The following MMS22L variants were observed in gnomAD, a reference collection of about 807,000 sequenced individuals.
MMS22L encodes MMS22 like, DNA repair protein.
In MMS22L, 74 loss-of-function variants were observed where a neutral mutation model predicts 159.1. The observed-to-expected ratio is 0.47, with a 90% CI of 0.39 to 0.56. The LOEUF (loss-of-function observed/expected upper bound fraction) is 0.56, where lower values mean the gene tolerates loss of function less well. Ranked by LOEUF, MMS22L falls within the 20% of genes least tolerant of loss-of-function variation. MMS22L has a pLI of 0.00. For synonymous variants in MMS22L, 517 were observed against 506.9 expected (o/e 1.02, Z -0.27); for missense variants, 1,351 against 1,422.1 (o/e 0.95, Z 0.80).
Position 97,146,729 on chromosome 6 carries a change from T to C in MMS22L, c.*77A>G, listed in dbSNP as rs558300181. On this transcript the variant is annotated 3_prime_UTR_variant, in exon 25 of 25. Transcript: ENST00000683635. ...TTTAAACAGAACATTATACAATTAA[T>C]TAAAAGTAGGAATTAGAGTGGAACA... The C allele has an allele frequency of 3.4e-4, 328 of 963,058 alleles. No individual in the cohort carries two copies. The African/African-American group carries it at 5.1e-3, about 15-fold the overall frequency. The allele number at this position is 963,058 out of a possible 1,614,324, so 59.7% of individuals were successfully genotyped here.
At chr6:97,147,177 T>C (rs1800963900) in intron 24 of MMS22L, among the ~76,000 whole-genome samples, 1 of 152,154 alleles carries the variant, frequency 6.6e-6, no homozygotes, top group Admixed American at 6.6e-5. Flanking sequence ...GGTAATAAAA[T>C]GCATTCATGG....
intron 14 of MMS22L, among the ~76,000 whole-genome samples, chr6:97,195,284 T>C (rs1052256310): frequency 3.9e-5 from 6 of 152,042 alleles, no homozygotes; most frequent in Admixed American, 2.6e-4. Flanking sequence ...TGAAGCACAA[T>C]GGGTGACAGA....
chr6:97,218,198 AACCTCCTATC>A (rs1157152550), intron 14 of MMS22L, among the ~76,000 whole-genome samples: 2 of 152,196 alleles, frequency 1.3e-5, no homozygotes, highest in Non-Finnish European at 2.9e-5. Context: ...GGGAAGAACA[AACCTCCTATC>A]ATCCTCTAGA....
intron 14 of MMS22L, among the ~76,000 whole-genome samples, chr6:97,220,376 T>C (rs1416744186): frequency 6.6e-6 from 1 of 152,194 alleles, no homozygotes; most frequent in Non-Finnish European, 1.5e-5. Context: ...TTCTTTTTAA[T>C]GTAATGAAAT....
At chr6:97,247,322 T>G (rs1298139535) in intron 10 of MMS22L, among the ~76,000 whole-genome samples, 4 of 152,202 alleles carry the variant, frequency 2.6e-5, no homozygotes. Flanking sequence ...TAATATTCAG[T>G]TCTTAAAGTT....
rs1554262353 is a variant in MMS22L at position 97,192,209 on chromosome 6, G to GATGAATGA, written c.2040-5527_2040-5520dup. ...GGATGGATGGATGGATGGATGGATGGATGAATGAATGAATGAATATGTGAA... is the reference window on the plus strand; with the variant it reads ...GGATGGATGGATGGATGGATGGATGGATGAATGAATGAATGAATGAATGAATATGTGAA... On this transcript the variant is annotated intron_variant, in intron 14 of 24. Coordinates refer to ENST00000683635, the MANE Select transcript of MMS22L (RefSeq NM_001350599.2). Among the ~76,000 whole-genome samples the GATGAATGA allele has an allele frequency of 6.1e-3, 634 of 104,422 alleles. 2 individuals are homozygous for GATGAATGA. The highest frequency in any genetic ancestry group is 0.011 in the East Asian group (43 of 4,070). The allele number at this position is 104,422 out of a possible 152,430, so 68.5% of individuals were successfully genotyped here.
intron 13 of MMS22L, 128 bp from the exon 14 acceptor site, chr6:97,229,531 G>T: frequency 1.4e-6 from 1 of 691,124 alleles, no homozygotes; most frequent in Non-Finnish European, 2.3e-6. Context: ...TTATTTTGAT[G>T]CTGCCTTGTC....
intron 14 of MMS22L, among the ~76,000 whole-genome samples, chr6:97,207,767 A>AT (rs1807941174): frequency 1.3e-5 from 2 of 152,164 alleles, no homozygotes. Context: ...GGTATGTCTC[A>AT]TATTTGGACT....
chr6:97,158,650 A>C (rs1225993958), intron 22 of MMS22L, among the ~76,000 whole-genome samples: 1 of 151,984 alleles, frequency 6.6e-6, no homozygotes, highest in Non-Finnish European at 1.5e-5. Flanking sequence ...CTGAGTTCCA[A>C]CTGGACTGCA....
intron 22 of MMS22L, among the ~76,000 whole-genome samples, chr6:97,153,969 T>A (rs533182113): frequency 6.6e-6 from 1 of 152,302 alleles, no homozygotes; most frequent in African/African-American, 2.4e-5. Context: ...CTCTTAAATA[T>A]ATATATATAT....
intron 15 of MMS22L, among the ~76,000 whole-genome samples, chr6:97,183,557 C>T (rs1371288140): frequency 2.6e-5 from 4 of 152,142 alleles, no homozygotes; most frequent in African/African-American, 9.7e-5. Flanking sequence ...GGTACAATTG[C>T]ATATCTTCTC....
intron 24 of MMS22L, among the ~76,000 whole-genome samples, chr6:97,148,011 T>C (rs559013771): frequency 2.0e-5 from 3 of 152,374 alleles, no homozygotes; most frequent in South Asian, 2.1e-4. Flanking sequence ...CATATGATTA[T>C]AGTCATGCAC....
At chr6:97,168,436 T>A (rs902744641) in intron 19 of MMS22L, among the ~76,000 whole-genome samples, 196 bp from the exon 20 acceptor site, 2 of 152,100 alleles carry the variant, frequency 1.3e-5, no homozygotes, top group African/African-American at 4.8e-5. Context: ...TCATAGAGTT[T>A]TGGGCCAAGG....
intron 18 of MMS22L, among the ~76,000 whole-genome samples, chr6:97,175,630 A>G (rs1174990373): frequency 6.6e-6 from 1 of 152,148 alleles, no homozygotes; most frequent in Non-Finnish European, 1.5e-5. Context: ...TGAGTTACAC[A>G]GCTTCCCAAT....
chr6:97,149,863 T>C lies in MMS22L; in HGVS notation c.3640A>G (p.Ile1214Val). The C allele has an allele frequency of 1.2e-6, 2 of 1,611,060 alleles. No homozygotes were observed. Among genetic ancestry groups the C allele is most frequent in the Middle Eastern group, 1.7e-4 (1 of 6,036 alleles). The change falls in exon 24 of 25, where the codon ATA becomes GTA. Residue 1214 changes from isoleucine to valine, a missense_variant. Physicochemically the swap from Ile to Val is conservative, Grantham distance 29. Coordinates refer to ENST00000683635, the MANE Select transcript of MMS22L (RefSeq NM_001350599.2). ...AATTATCAAACATACCTTTGTGCTA[T>C]ATTCCTGCCAAGGCCCCATTTCTGC... is the stretch of plus-strand genomic sequence containing the variant. ...SEQKWGLGRN[I>V]AQREAYSKLL...
rs1168133987 is a variant in MMS22L, at chr6:97,215,112, A to AT, written c.2039+13781dup. Among the ~76,000 whole-genome samples the AT allele has an allele frequency of 3.6e-3, 290 of 80,064 alleles. 1 individual carries two copies. Among genetic ancestry groups the AT allele is most frequent in the Non-Finnish European group, 4.2e-3 (124 of 29,856 alleles). 52.5% of individuals were successfully genotyped at this position (80,064 alleles called of 152,430 possible). A position where few individuals can be genotyped will look rare whatever the true frequency, so the allele number is the denominator to read the frequency against. ...TTTAAATATATATATATATATATAT[A>AT]TATTTTTTTTTTGCATTGTTTCACT... On this transcript the variant is annotated intron_variant, in intron 14 of 24. Transcript: ENST00000683635.
intron 14 of MMS22L, among the ~76,000 whole-genome samples, chr6:97,203,678 T>C (rs1807431561): frequency 6.6e-6 from 1 of 152,182 alleles, no homozygotes; most frequent in Non-Finnish European, 1.5e-5. Context: ...AAACATTTCA[T>C]AAATTCCACT....
intron 14 of MMS22L, among the ~76,000 whole-genome samples, chr6:97,201,224 C>A (rs1807120696): frequency 6.6e-6 from 1 of 152,024 alleles, no homozygotes; most frequent in South Asian, 2.1e-4. Context: ...TAAAGTATTT[C>A]CAACAGATAA....
intron 11 of MMS22L, among the ~76,000 whole-genome samples, chr6:97,238,519 A>T (rs1811675868): frequency 6.6e-6 from 1 of 151,150 alleles, no homozygotes; most frequent in Non-Finnish European, 1.5e-5. Flanking sequence ...AAGGAGTACT[A>T]CGCATCTCCC....
Sources: gnomAD v4.1 joint callset for allele counts (sites outside exome capture counted in the v4.1 genomes callset) on GRCh38, gnomAD v4.1.1 for gene constraint, MANE v1.5 for transcripts, NCBI Gene and HGNC (gene_info 2026-07-23, HGNC 2026-07-21) for gene names.